Variants in JAK2 observed in about 807,000 individuals in gnomAD.
JAK2 encodes the protein tyrosine-protein kinase JAK2.
In JAK2, 86 loss-of-function variants were observed where a neutral mutation model predicts 139.3. That is an observed-to-expected ratio of 0.62 (90% confidence interval 0.52 to 0.74). JAK2 has a LOEUF of 0.74. Among genes scored for constraint, JAK2 ranks in the 30% least tolerant of loss-of-function variants. The pLI is 0.00. For synonymous variants in JAK2, 490 were observed against 437.7 expected, an observed-to-expected ratio of 1.12 and a Z score of -1.49; for missense variants, 1,421 against 1,360.3, an observed-to-expected ratio of 1.04 and a Z score of -0.70.
At chr9:5,076,465 A>C (rs1385110510) in intron 14 of JAK2, among the ~76,000 whole-genome samples, 3 of 152,208 alleles carry the variant, frequency 2.0e-5, no homozygotes, top group South Asian at 2.1e-4. Flanking sequence ...AACTTTCTGA[A>C]GGCTCAGATT....
intron 7 of JAK2, 134 bp downstream of exon 7, chr9:5,055,018 G>C: frequency 1.7e-6 from 1 of 577,544 alleles, no homozygotes; most frequent in Non-Finnish European, 3.0e-6. Context: ...TTAATAGCGT[G>C]AACCTATCAA....
intron 22 of JAK2, chr9:5,114,508 T>C (rs1354249161): frequency 1.1e-5 from 5 of 468,708 alleles, no homozygotes; most frequent in Non-Finnish European, 4.2e-6. Context: ...GTCTACGTGT[T>C]TGCAACGCTA....
intron 22 of JAK2, chr9:5,110,461 C>G (rs1393649427): frequency 1.3e-5 from 2 of 152,792 alleles, no homozygotes; most frequent in Non-Finnish European, 2.9e-5. Flanking sequence ...TGCACCCACA[C>G]CTTTTTTAAA....
chr9:5,079,280 C>G (rs965734321), intron 16 of JAK2, among the ~76,000 whole-genome samples: 8 of 131,902 alleles, frequency 6.1e-5, no homozygotes, highest in African/African-American at 3.4e-4. Flanking sequence ...GTCAATCAAT[C>G]TATTTGTCTG....
At chr9:5,078,523 C>A in intron 16 of JAK2, 79 bp downstream of exon 16, 1 of 1,054,074 alleles carries the variant, frequency 9.5e-7, no homozygotes, top group Non-Finnish European at 1.4e-6. Context: ...GTTAATTTTC[C>A]TTGAATTCCA....
At chr9:5,038,078 G>T (rs1357117580) in intron 4 of JAK2, among the ~76,000 whole-genome samples, 2 of 152,098 alleles carry the variant, frequency 1.3e-5, no homozygotes, top group African/African-American at 2.4e-5. Context: ...GTGATGCTGA[G>T]AATTTTTTGA....
intron 19 of JAK2, among the ~76,000 whole-genome samples, chr9:5,088,340 T>C (rs996610081): frequency 1.3e-5 from 2 of 152,214 alleles, no homozygotes; most frequent in Non-Finnish European, 2.9e-5. Context: ...ACTTCAAGTA[T>C]ATAACTGAAA....
chr9:5,123,565 G>A (rs558108758), intron 23 of JAK2, among the ~76,000 whole-genome samples: 6 of 152,080 alleles, frequency 3.9e-5, no homozygotes, highest in South Asian at 4.1e-4. Context: ...TGGACACTTA[G>A]GTTGATTCCA....
intron 23 of JAK2, among the ~76,000 whole-genome samples, chr9:5,125,770 G>A (rs1823949948): frequency 6.6e-6 from 1 of 151,346 alleles, no homozygotes; most frequent in African/African-American, 2.4e-5. Context: ...GGTGTTTAGG[G>A]TGGGTATGTA....
intron 10 of JAK2, among the ~76,000 whole-genome samples, chr9:5,068,759 G>A (rs533143070): frequency 8.5e-5 from 13 of 152,290 alleles, no homozygotes; most frequent in Admixed American, 6.5e-4. Flanking sequence ...AACTATTAAG[G>A]ATGGTATTGT....
intron 10 of JAK2, among the ~76,000 whole-genome samples, 157 bp downstream of exon 10, chr9:5,066,946 TAAAC>T (rs1235809663): frequency 1.3e-5 from 2 of 152,068 alleles, no homozygotes; most frequent in South Asian, 2.1e-4. Context: ...TCTGTACAAA[TAAAC>T]AAGTTATAAT....
In JAK2 at chr9:5,085,132, C is replaced by T. The variant is rs184969769; in HGVS notation, c.2571+3271C>T. ...GTAGGTTGTTTGTTTTACACCATCA[C>T]TCTGTAATACATACTGTGGAGCTCT... On this transcript the variant is annotated intron_variant, in intron 19 of 24. Transcript: ENST00000381652. The T allele has an allele frequency of 3.3e-3, 2,147 of 647,292 alleles. 14 individuals carry two copies. The highest frequency in any genetic ancestry group is 3.3e-3 in the Non-Finnish European group (1,098 of 334,374). 40.1% of individuals were successfully genotyped at this position (647,292 alleles called of 1,614,324 possible).
chr9:5,111,274 A>T (rs542099016), intron 22 of JAK2: 132 of 488,948 alleles, frequency 2.7e-4, no homozygotes, highest in African/African-American at 2.4e-3. Flanking sequence ...AGCCTGACTC[A>T]GGCTGGCTTC....
intron 2 of JAK2, among the ~76,000 whole-genome samples, chr9:5,001,356 C>G (rs997222459): frequency 6.6e-6 from 1 of 151,980 alleles, no homozygotes; most frequent in Non-Finnish European, 1.5e-5. Context: ...TGAGGAAATT[C>G]CCTTCTTTTT....
intron 4 of JAK2, among the ~76,000 whole-genome samples, chr9:5,034,160 G>C (rs971759406): frequency 1.2e-4 from 19 of 152,186 alleles, no homozygotes; most frequent in African/African-American, 4.6e-4. Context: ...TTACATAATG[G>C]TAAAGGGATC....
chr9:5,066,781 G>C lies in JAK2; in HGVS notation c.1318G>C (p.Ala440Pro). The stretch of plus-strand genomic sequence containing the variant: ...CTTTAATAAATATTTTTTGACTTTT[G>C]CTGTCGAGGTTAGTATGTCACACTT... ...KDFNKYFLTFAVERENVIEYK... is the reference protein window; with the variant it reads ...KDFNKYFLTFPVERENVIEYK... The change falls in exon 10 of 25, where the codon GCT (alanine) becomes CCT (proline). Residue 440 changes from alanine (A) to proline (P), a missense_variant. By Grantham distance (27) the Ala-to-Pro change is conservative. Transcript: ENST00000381652. 6.6e-7 allele frequency: 1 copy of C among 1,520,852 alleles called. No homozygotes were observed. Among genetic ancestry groups the C allele is most frequent in the East Asian group, 2.4e-5 (1 of 42,176 alleles). The allele number at this position is 1,520,852 out of a possible 1,614,324, so 94.2% of individuals were successfully genotyped here.
intron 19 of JAK2, among the ~76,000 whole-genome samples, 189 bp downstream of exon 19, chr9:5,082,050 C>T (rs1469431065): frequency 6.6e-6 from 1 of 152,162 alleles, no homozygotes; most frequent in Non-Finnish European, 1.5e-5. Flanking sequence ...GGGGGCCAGC[C>T]CCTCCACACC....
intron 2 of JAK2, among the ~76,000 whole-genome samples, chr9:5,011,661 T>G (rs897594159): frequency 6.6e-6 from 1 of 152,212 alleles, no homozygotes; most frequent in Non-Finnish European, 1.5e-5. Context: ...ATTCTTCTTT[T>G]CATGTTTAAT....
At chr9:5,114,314 TG>T in intron 22 of JAK2, 2 of 542,652 alleles carry the variant, frequency 3.7e-6, no homozygotes, top group South Asian at 3.2e-5. Flanking sequence ...CCCAGGCCAG[TG>T]GGAAGTCTGT....
Sources: gnomAD v4.1 joint callset for allele counts (sites outside exome capture counted in the v4.1 genomes callset) on GRCh38, gnomAD v4.1.1 for gene constraint, MANE v1.5 for transcripts, NCBI Gene and HGNC (gene_info 2026-07-23, HGNC 2026-07-21) for gene names.